Variants in VAPB observed in about 807,000 individuals in gnomAD.
The protein encoded by VAPB is VAMP associated protein B and C.
VAPB carries 7 observed loss-of-function variants against 25.6 expected under a neutral mutation model. The ratio of observed to expected loss-of-function variants is 0.27; its 90% CI spans 0.16 to 0.51. The LOEUF is 0.51. Ranked by LOEUF, VAPB falls within the 20% of genes least tolerant of loss-of-function variation. VAPB has a pLI of 0.97. For missense variants in VAPB, 266 were observed against 301.3 expected (o/e 0.88, Z 0.87); for synonymous variants, 112 against 109.2 (o/e 1.03, Z -0.16).
intron 2 of VAPB, 57 bp downstream of exon 2, chr20:58,418,420 G>A: frequency 1.3e-6 from 2 of 1,591,524 alleles, no homozygotes; most frequent in African/African-American, 2.7e-5. Flanking sequence ...TGGACAGTAG[G>A]TTTTCTTAAA....
At chr20:58,433,614 CCT>C (rs1988973704) in intron 2 of VAPB, among the ~76,000 whole-genome samples, 2 of 152,320 alleles carry the variant, frequency 1.3e-5, no homozygotes, top group South Asian at 2.1e-4. Flanking sequence ...GGCAAATTCA[CCT>C]CTCTGTGTTC....
In VAPB at chr20:58,389,317, G is replaced by GC; in HGVS notation, c.-140dup. 2.0e-5 allele frequency: 8 copies of GC among 398,106 alleles called. No homozygotes were observed. Among genetic ancestry groups the GC allele is most frequent in the Non-Finnish European group, 3.1e-5 (7 of 225,190 alleles). The allele number at this position is 398,106 out of a possible 1,614,324, so 24.7% of individuals were successfully genotyped here. A position where few individuals can be genotyped will look rare whatever the true frequency, so the allele number is the denominator to read the frequency against. Reference sequence around the variant, plus strand: ...GCGTAGACCGACCCCCCCCCAGCGCGCCCACCCGGTAGAGGACCCCCGCCC... The same window carrying GC: ...GCGTAGACCGACCCCCCCCCAGCGCGCCCCACCCGGTAGAGGACCCCCGCCC... On this transcript the variant is annotated 5_prime_UTR_variant, in exon 1 of 6. Coordinates refer to ENST00000475243, the MANE Select transcript of VAPB (RefSeq NM_004738.5).
At position 58,450,943 on chromosome 20, in the gene VAPB, AT is replaced by A. The variant is rs1989433266; in HGVS notation, c.*6709del. ...CATGATGTTTCCCAGAGAGAAGGAGATGTATTTCTGCAGGGTCCAGACCAAA... is the reference window on the plus strand; with the variant it reads ...CATGATGTTTCCCAGAGAGAAGGAGAGTATTTCTGCAGGGTCCAGACCAAA... On this transcript the variant is annotated 3_prime_UTR_variant, in exon 6 of 6. Transcript: ENST00000475243. 2.2e-6 allele frequency: 1 copy of A among 453,988 alleles called. No individual in the cohort carries two copies. The highest frequency in any genetic ancestry group is 2.4e-5 in the Admixed American group (1 of 42,552). The allele number at this position is 453,988 out of a possible 1,614,324, so 28.1% of individuals were successfully genotyped here.
In VAPB at chr20:58,447,960, T is replaced by C. The variant is rs574293455; in HGVS notation, c.*3725T>C. 1.0e-3 allele frequency: 470 copies of C among 454,038 alleles called. 6 individuals carry two copies. The Middle Eastern group carries it at 0.012, about 12-fold the overall frequency. The allele number at this position is 454,038 out of a possible 1,614,324, so 28.1% of individuals were successfully genotyped here. On this transcript the variant is annotated 3_prime_UTR_variant, in exon 6 of 6. Coordinates refer to ENST00000475243, the MANE Select transcript of VAPB (RefSeq NM_004738.5). ...ACCTTCTCGGTGTAGAGGCCACTGC[T>C]TCCCCCTGCTGGAGATGGCATTTCA...
At position 58,418,162 on chromosome 20, in the gene VAPB, C is replaced by G. The variant is rs6026253; in HGVS notation, c.59-49C>G. ...TACAGCTCTCTTTTCCACAAACCTT[C>G]TAAACTTTCCTCATGAGACCCCCAA... On this transcript the variant is annotated intron_variant, in intron 1 of 5. Coordinates refer to ENST00000475243, the MANE Select transcript of VAPB (RefSeq NM_004738.5). 2,846 of 1,613,182 alleles carry G rather than the reference C, an allele frequency of 1.8e-3. 54 individuals carry two copies. The African/African-American group carries it at 0.034, about 19-fold the overall frequency.
chr20:58,450,417 C>G lies in VAPB; in HGVS notation c.*6182C>G. Reference sequence around the variant, plus strand: ...GGCGTGGCTTTTTATATTTTTCATTCGTGTGTAGCCTAAGTAAGGTGACTC... The same window carrying G: ...GGCGTGGCTTTTTATATTTTTCATTGGTGTGTAGCCTAAGTAAGGTGACTC... On this transcript the variant is annotated 3_prime_UTR_variant, in exon 6 of 6. Coordinates refer to ENST00000475243, the MANE Select transcript of VAPB (RefSeq NM_004738.5). 2.2e-6 allele frequency: 1 copy of G among 453,904 alleles called. No homozygotes were observed. The highest frequency in any genetic ancestry group is 4.4e-6 in the Non-Finnish European group (1 of 226,754). The allele number at this position is 453,904 out of a possible 1,614,324, so 28.1% of individuals were successfully genotyped here. A position where few individuals can be genotyped will look rare whatever the true frequency, so the allele number is the denominator to read the frequency against.
chr20:58,433,908 C>A (rs1276262822), intron 2 of VAPB, among the ~76,000 whole-genome samples: 6 of 151,988 alleles, frequency 3.9e-5, no homozygotes, highest in African/African-American at 1.2e-4. Flanking sequence ...AGGAGTAGGC[C>A]CAGCTGTACT....
At position 58,441,071 on chromosome 20, in the gene VAPB, C is replaced by T. The variant is rs1413230152; in HGVS notation, c.561C>T (p.Asn187=). 7 of 1,613,802 alleles carry T rather than the reference C, an allele frequency of 4.3e-6. No individual in the cohort carries two copies. Among genetic ancestry groups the T allele is most frequent in the African/African-American group, 1.3e-5 (1 of 74,892 alleles). Residue 187 remains asparagine (N), a synonymous_variant, in exon 5 of 6, where the codon AAC becomes AAT. Coordinates refer to ENST00000475243, the MANE Select transcript of VAPB (RefSeq NM_004738.5). ...QGEVQRLREE[N]KQFKEEDGLR... The stretch of plus-strand genomic sequence containing the variant: ...AAGTTCAGAGGCTACGGGAGGAGAA[C>T]AAGCAGTTCAAGGTAATAGTTTATT...
At position 58,449,478 on chromosome 20, in the gene VAPB, ATGTC is replaced by A. The variant is rs1215579891; in HGVS notation, c.*5247_*5250del. 4 of 450,788 alleles carry A rather than the reference ATGTC, an allele frequency of 8.9e-6. No individual in the cohort carries two copies. The highest frequency in any genetic ancestry group is 8.0e-5 in the African/African-American group (4 of 49,730). 27.9% of individuals were successfully genotyped at this position (450,788 alleles called of 1,614,324 possible). On this transcript the variant is annotated 3_prime_UTR_variant, in exon 6 of 6. Transcript: ENST00000475243. ...CTTAATGGAATTAGTTTATTAGAAA[ATGTC>A]TGTGTTAAATCCGTAGAAAAGGAAG...
intron 1 of VAPB, among the ~76,000 whole-genome samples, chr20:58,417,774 C>T (rs1005701443): frequency 1.3e-5 from 2 of 152,138 alleles, no homozygotes; most frequent in African/African-American, 4.8e-5. Context: ...TAGTCCTTTA[C>T]GCTCTCCCTG....
chr20:58,445,971 T>C lies in VAPB; in HGVS notation c.*1736T>C, dbSNP rs1321612185. 1.1e-5 allele frequency: 5 copies of C among 453,982 alleles called. No homozygotes were observed. The highest frequency in any genetic ancestry group is 9.4e-5 in the Admixed American group (4 of 42,552). 28.1% of individuals were successfully genotyped at this position (453,982 alleles called of 1,614,324 possible). On this transcript the variant is annotated 3_prime_UTR_variant, in exon 6 of 6. Transcript: ENST00000475243. ...TAGAAGTCACATACGTTGAGCCACG[T>C]TGCTCCTAAGCCTGGCTCTGTCAAG...
rs1342236823 is a variant in VAPB at position 58,449,019 on chromosome 20, G to GTCTC, written c.*4785_*4788dup. Reference sequence around the variant, plus strand: ...GTTTGAAAACAGCTGAGCTGCTGATGTCTCAGGCCTTTCCCTGAATTAGCA... The same window carrying GTCTC: ...GTTTGAAAACAGCTGAGCTGCTGATGTCTCTCTCAGGCCTTTCCCTGAATTAGCA... On this transcript the variant is annotated 3_prime_UTR_variant, in exon 6 of 6. Transcript: ENST00000475243. The GTCTC allele has an allele frequency of 4.4e-6, 2 of 454,022 alleles. No individual in the cohort carries two copies. The highest frequency in any genetic ancestry group is 2.3e-5 in the Admixed American group (1 of 42,562). 28.1% of individuals were successfully genotyped at this position (454,022 alleles called of 1,614,324 possible). A position where few individuals can be genotyped will look rare whatever the true frequency, so the allele number is the denominator to read the frequency against.
intron 2 of VAPB, among the ~76,000 whole-genome samples, chr20:58,429,960 G>A (rs2123080527): frequency 7.4e-6 from 1 of 134,834 alleles, no homozygotes; most frequent in African/African-American, 2.7e-5. Context: ...TATAGTCCTA[G>A]CTACTCAGGA....
chr20:58,449,344 T>A lies in VAPB; in HGVS notation c.*5109T>A. ...CATTACAGAGATATTTTGAAAAATT[T>A]AAAAGACATGAACTCACATAAACAG... On this transcript the variant is annotated 3_prime_UTR_variant, in exon 6 of 6. Transcript: ENST00000475243. The A allele has an allele frequency of 2.2e-6, 1 of 451,404 alleles. No homozygotes were observed. The highest frequency in any genetic ancestry group is 1.6e-5 in the South Asian group (1 of 63,470). The allele number at this position is 451,404 out of a possible 1,614,324, so 28.0% of individuals were successfully genotyped here.
chr20:58,449,444 T>C lies in VAPB; in HGVS notation c.*5209T>C, dbSNP rs543079207. The C allele has an allele frequency of 1.6e-5, 7 of 448,834 alleles. No homozygotes were observed. Among genetic ancestry groups the C allele is most frequent in the Admixed American group, 7.2e-5 (3 of 41,544 alleles). The allele number at this position is 448,834 out of a possible 1,614,324, so 27.8% of individuals were successfully genotyped here. On this transcript the variant is annotated 3_prime_UTR_variant, in exon 6 of 6. Transcript: ENST00000475243. The stretch of plus-strand genomic sequence containing the variant: ...TCTTCATGAATATAATTACTTGAGA[T>C]TTTTTTTTCTTAATGGAATTAGTTT...
intron 1 of VAPB, among the ~76,000 whole-genome samples, chr20:58,412,466 A>C (rs1988404177): frequency 6.7e-6 from 1 of 149,940 alleles, no homozygotes; most frequent in African/African-American, 2.5e-5. Flanking sequence ...GGTCCTAGCT[A>C]CTTGGGAGGT....
At chr20:58,437,726 AT>A (rs922502403) in intron 3 of VAPB, among the ~76,000 whole-genome samples, 1 of 152,178 alleles carries the variant, frequency 6.6e-6, no homozygotes, top group African/African-American at 2.4e-5. Context: ...TTCACTTAAC[AT>A]TCTGGACATT....
Position 58,389,411 on chromosome 20 carries a change from G to C in VAPB, c.-49G>C, listed in dbSNP as rs760964356. ...CGCAGCATTAACGCTTCCCGCCCCG[G>C]TGACCTCTCAGGGGTCTCCCCGCCA... On this transcript the variant is annotated 5_prime_UTR_variant, in exon 1 of 6. Coordinates refer to ENST00000475243, the MANE Select transcript of VAPB (RefSeq NM_004738.5). 8.6e-5 allele frequency: 133 copies of C among 1,551,432 alleles called. No individual in the cohort carries two copies. The highest frequency in any genetic ancestry group is 1.1e-4 in the Non-Finnish European group (123 of 1,146,168).
intron 1 of VAPB, among the ~76,000 whole-genome samples, chr20:58,411,792 C>T (rs994879200): frequency 1.3e-5 from 2 of 152,220 alleles, no homozygotes; most frequent in African/African-American, 2.4e-5. Flanking sequence ...CATTCCCCTG[C>T]CTCAGCCTCC....
Sources: allele counts gnomAD v4.1 joint callset (sites outside exome capture counted in the v4.1 genomes callset), GRCh38; gene constraint gnomAD v4.1.1; transcripts MANE v1.5; gene names NCBI Gene and HGNC (gene_info 2026-07-23, HGNC 2026-07-21).